The following ZNF273 variants were observed in gnomAD, a reference collection of about 807,000 sequenced individuals.
ZNF273 encodes the protein zinc finger protein 9.
ZNF273 carries 11 observed loss-of-function variants against 14.9 expected under a neutral mutation model. The observed-to-expected ratio is 0.74, with a 90% CI of 0.46 to 1.22. The LOEUF is 1.22. ZNF273 is among the 50% of genes most tolerant of loss of function. The pLI, the probability that ZNF273 is intolerant of heterozygous loss-of-function variation, is 0.00. For synonymous variants in ZNF273, 199 were observed against 223.9 expected (o/e 0.89, Z 0.99); for missense variants, 577 against 660.6 (o/e 0.87, Z 1.39).
chr7:64,900,786 A>G (rs1013743444), upstream of ZNF273, among the ~76,000 whole-genome samples: 1 of 152,190 alleles, frequency 6.6e-6, no homozygotes, highest in Non-Finnish European at 1.5e-5. Context: ...TATGTACATC[A>G]GACATTACCT....
At position 64,928,150 on chromosome 7, in the gene ZNF273, C is replaced by G; in HGVS notation, c.822C>G (p.Ser274=). 1.2e-6 allele frequency: 2 copies of G among 1,613,306 alleles called. No individual in the cohort carries two copies. The highest frequency in any genetic ancestry group is 1.7e-6 in the Non-Finnish European group (2 of 1,179,736). The change falls in exon 4 of 4, where the codon TCC becomes TCG. Residue 274 remains serine (S), a synonymous_variant. Transcript: ENST00000476120. ...AATGTGGCAAAGCCTTTAACCAGTC[C>G]TTAACTCTTACTAAACATAAAAAAA... ...CEECGKAFNQ[S]LTLTKHKKIH...
At chr7:64,921,284 G>A (rs531026053) in intron 3 of ZNF273, among the ~76,000 whole-genome samples, 5 of 152,068 alleles carry the variant, frequency 3.3e-5, no homozygotes, top group African/African-American at 4.8e-5. Flanking sequence ...GGCTGGTCTC[G>A]AACTCCTGAC....
intron 3 of ZNF273, among the ~76,000 whole-genome samples, chr7:64,896,314 G>A (rs376737162): frequency 9.2e-5 from 14 of 152,036 alleles, no homozygotes; most frequent in East Asian, 7.7e-4. Context: ...ATTTGGTTCC[G>A]CAAATGAAAT....
At chr7:64,914,458 T>A (rs1220980705) in intron 1 of ZNF273, among the ~76,000 whole-genome samples, 2 of 152,046 alleles carry the variant, frequency 1.3e-5, no homozygotes, top group Non-Finnish European at 2.9e-5. Flanking sequence ...ACCTAATAAG[T>A]GCCTCATGTG....
chr7:64,898,612 G>C (rs921121318), upstream of ZNF273, among the ~76,000 whole-genome samples: 5 of 152,324 alleles, frequency 3.3e-5, no homozygotes, highest in African/African-American at 1.2e-4. Context: ...AAAAGCCTTT[G>C]TGAGGTAGAG....
chr7:64,919,056 T>C (rs1016639761), intron 3 of ZNF273, among the ~76,000 whole-genome samples: 1 of 152,230 alleles, frequency 6.6e-6, no homozygotes, highest in Non-Finnish European at 1.5e-5. Context: ...AATCCTGTTT[T>C]TGTTACTATA....
Position 64,923,764 on chromosome 7 carries a change from A to T in ZNF273, c.326-3890A>T, listed in dbSNP as rs184873111. 3.2e-3 allele frequency: 546 copies of T among 170,588 alleles called. 3 individuals carry two copies. The highest frequency in any genetic ancestry group is 0.014 in the South Asian group (110 of 7,716). The allele number at this position is 170,588 out of a possible 1,614,324, so 10.6% of individuals were successfully genotyped here. On this transcript the variant is annotated intron_variant, in intron 3 of 3. Coordinates refer to ENST00000476120, the MANE Select transcript of ZNF273 (RefSeq NM_021148.3). ...ATTATGGGTATGAAAATGACTCTTC[A>T]TATGACCACATATGTGAAAGTATAT...
At chr7:64,890,386 A>G (rs1446864193), downstream of ZNF273, among the ~76,000 whole-genome samples, 2 of 152,048 alleles carry the variant, frequency 1.3e-5, no homozygotes, top group Non-Finnish European at 2.9e-5. Context: ...TTCCGTGATC[A>G]GCTGCGGTCT....
chr7:64,936,179 A>G, the ZNF273 span, among the ~76,000 whole-genome samples: 1 of 152,238 alleles, frequency 6.6e-6, no homozygotes, highest in African/African-American at 2.4e-5. Flanking sequence ...TGAAAATTGC[A>G]AATCTGGTCT....
chr7:64,917,138 G>C, intron 1 of ZNF273: 1 of 1,261,464 alleles, frequency 7.9e-7, no homozygotes, highest in Non-Finnish European at 1.0e-6. Flanking sequence ...TTAAAAATTT[G>C]GAAACTCAGA....
chr7:64,890,630 C>T (rs1478366690), downstream of ZNF273, among the ~76,000 whole-genome samples: 2 of 152,170 alleles, frequency 1.3e-5, no homozygotes, highest in Non-Finnish European at 2.9e-5. Context: ...TCCCTGACCC[C>T]CAAGCTCTAT....
chr7:64,903,771 T>C (rs1393016501), intron 1 of ZNF273, among the ~76,000 whole-genome samples: 1 of 152,204 alleles, frequency 6.6e-6, no homozygotes, highest in Admixed American at 6.5e-5. Context: ...ACCCTCCTTT[T>C]TTCTATTAAA....
chr7:64,887,859 G>A (rs1252925468), intron 1 of ZNF273, among the ~76,000 whole-genome samples: 1 of 151,710 alleles, frequency 6.6e-6, no homozygotes, highest in Non-Finnish European at 1.5e-5. Flanking sequence ...CCTGCCCCAG[G>A]GTTCCCCTTG....
At chr7:64,932,011 C>G (rs889786046), downstream of ZNF273, among the ~76,000 whole-genome samples, 6 of 151,994 alleles carry the variant, frequency 3.9e-5, no homozygotes, top group African/African-American at 1.4e-4. Flanking sequence ...TGTGTTATGG[C>G]TACAGTTTTC....
Position 64,929,303 on chromosome 7 carries a change from G to A in ZNF273, c.*265G>A. ...AGACAATATAAGCCTGCAAAGTGCA[G>A]CAGAGTATTTATTTTGAAGAGAAAC... On this transcript the variant is annotated 3_prime_UTR_variant, in exon 4 of 4. Coordinates refer to ENST00000476120, the MANE Select transcript of ZNF273 (RefSeq NM_021148.3). 1 of 243,318 alleles carries A rather than the reference G, an allele frequency of 4.1e-6. No individual in the cohort carries two copies. Among genetic ancestry groups the A allele is most frequent in the Non-Finnish European group, 7.8e-6 (1 of 127,504 alleles). 15.1% of individuals were successfully genotyped at this position (243,318 alleles called of 1,614,324 possible). A position where few individuals can be genotyped will look rare whatever the true frequency, so the allele number is the denominator to read the frequency against.
intron 1 of ZNF273, among the ~76,000 whole-genome samples, chr7:64,887,797 CTTT>C (rs779641845): frequency 7.0e-6 from 1 of 143,588 alleles, no homozygotes; most frequent in East Asian, 2.0e-4. Context: ...CGTGCCCTGT[CTTT>C]TTTTTTTTTT....
upstream of ZNF273, among the ~76,000 whole-genome samples, chr7:64,898,631 A>T (rs1185337033): frequency 6.6e-6 from 1 of 152,254 alleles, no homozygotes. Flanking sequence ...AGTAGGATAC[A>T]TCAAATTTTA....
chr7:64,935,296 A>G (rs1363578306), downstream of ZNF273, among the ~76,000 whole-genome samples: 1 of 152,098 alleles, frequency 6.6e-6, no homozygotes, highest in African/African-American at 2.4e-5. Context: ...ATTTAATACT[A>G]TGTTTAATAA....
chr7:64,879,327 C>A (rs538284566), intron 2 of ZNF273: 2 of 152,310 alleles, frequency 1.3e-5, no homozygotes, highest in African/African-American at 4.8e-5. Flanking sequence ...TAGCAGGAAT[C>A]CCTCAAAGTG....
Sources: allele counts gnomAD v4.1 joint callset (sites outside exome capture counted in the v4.1 genomes callset), GRCh38; gene constraint gnomAD v4.1.1; transcripts MANE v1.5; gene names NCBI Gene and HGNC (gene_info 2026-07-23, HGNC 2026-07-21).